POLR2I: variants seen among roughly 807,000 people sequenced by gnomAD.
The protein encoded by POLR2I is RNA polymerase II subunit I.
A neutral mutation model predicts 23.0 loss-of-function variants in POLR2I; 15 were observed. The ratio of observed to expected loss-of-function variants is 0.65; its 90% CI spans 0.44 to 1.00. The LOEUF (loss-of-function observed/expected upper bound fraction) is 1.00, where lower values mean the gene tolerates loss of function less well. Among genes scored for constraint, POLR2I ranks in the 50% least tolerant of loss-of-function variants. POLR2I has a pLI of 0.00. For synonymous variants in POLR2I, 72 were observed against 65.4 expected (o/e 1.10, Z -0.49); for missense variants, 120 against 173.7 (o/e 0.69, Z 1.74).
At position 36,114,199 on chromosome 19, in the gene POLR2I, T is replaced by TC; in HGVS notation, c.240dup (p.Thr81AspfsTer54). ...CACTTTTGGCACGGGTGGTCCTCGG[T>TC]CCGCGGCAACGTGGGGTCCTGGGAC... On this transcript the variant is annotated frameshift_variant, in exon 4 of 6. Coordinates refer to ENST00000221859, the MANE Select transcript of POLR2I (RefSeq NM_006233.5). LOFTEE classifies it high-confidence loss of function. This position sits in a 1 kb window ranked among gnomAD's most constrained non-coding sequence, Gnocchi z 4.5. 6.2e-7 allele frequency: 1 copy of TC among 1,614,042 alleles called. No individual in the cohort carries two copies. The highest frequency in any genetic ancestry group is 8.5e-7 in the Non-Finnish European group (1 of 1,179,986).
chr19:36,114,371 G>A lies in POLR2I; in HGVS notation c.156C>T (p.Cys52=), dbSNP rs932262804. 3 of 1,614,004 alleles carry A rather than the reference G, an allele frequency of 1.9e-6. No individual in the cohort carries two copies. Among genetic ancestry groups the A allele is most frequent in the East Asian group, 4.5e-5 (2 of 44,902 alleles). The change falls in exon 3 of 6, where the codon TGC becomes TGT. Residue 52 remains cysteine, a synonymous_variant. Transcript: ENST00000221859. This position sits in a 1 kb window ranked among gnomAD's most constrained non-coding sequence, Gnocchi z 4.5. ...CGTGCGTGATCTTGTTGACATAGATGCAGCTGTTGTCGGCCTCCTGCTGGT... is the reference window on the plus strand; with the variant it reads ...CGTGCGTGATCTTGTTGACATAGATACAGCTGTTGTCGGCCTCCTGCTGGT... ...CDYQQEADNS[C]IYVNKITHEV...
rs377495271 is a variant in POLR2I, at chr19:36,114,422, G to A, written c.115-10C>T. The A allele has an allele frequency of 2.4e-5, 38 of 1,612,800 alleles. No homozygotes were observed. Among genetic ancestry groups the A allele is most frequent in the Admixed American group, 2.0e-4 (12 of 59,996 alleles). On this transcript the variant is annotated splice_polypyrimidine_tract_variant and intron_variant, in intron 2 of 5. Coordinates refer to ENST00000221859, the MANE Select transcript of POLR2I (RefSeq NM_006233.5). The surrounding 1 kb of genome is among the most constrained non-coding windows in gnomAD (Gnocchi z 4.5). ...AATCACAGTTCCGGCACTACGAGAG[G>A]GCGAGTGTGGGGGAAAGGGGGTCAC...
chr19:36,114,592 A>C lies in POLR2I; in HGVS notation c.114+67T>G, dbSNP rs1973907847. The stretch of plus-strand genomic sequence containing the variant: ...GGGCGAACAGGGAGTCCGATCACAG[A>C]GGCAGGGGGCAGGGCGGGGCCACGC... On this transcript the variant is annotated intron_variant, in intron 2 of 5. Transcript: ENST00000221859. The surrounding 1 kb of genome is among the most constrained non-coding windows in gnomAD (Gnocchi z 4.5). 1 of 1,473,750 alleles carries C rather than the reference A, an allele frequency of 6.8e-7. No individual in the cohort carries two copies. The highest frequency in any genetic ancestry group is 1.4e-5 in the African/African-American group (1 of 72,410). 91.3% of individuals were successfully genotyped at this position (1,473,750 alleles called of 1,614,324 possible).
chr19:36,114,435 G>C lies in POLR2I; in HGVS notation c.115-23C>G, dbSNP rs944757532. The C allele has an allele frequency of 1.4e-5, 22 of 1,609,086 alleles. No individual in the cohort carries two copies. Among genetic ancestry groups the C allele is most frequent in the Non-Finnish European group, 1.9e-5 (22 of 1,175,704 alleles). ...GCACTACGAGAGGGCGAGTGTGGGGGAAAGGGGGTCACGGAAGGATTCCAG... is the reference window on the plus strand; with the variant it reads ...GCACTACGAGAGGGCGAGTGTGGGGCAAAGGGGGTCACGGAAGGATTCCAG... On this transcript the variant is annotated intron_variant, in intron 2 of 5. Coordinates refer to ENST00000221859, the MANE Select transcript of POLR2I (RefSeq NM_006233.5). This position sits in a 1 kb window ranked among gnomAD's most constrained non-coding sequence, Gnocchi z 4.5.
chr19:36,114,869 C>A lies in POLR2I; in HGVS notation c.-13G>T. 1 of 1,612,460 alleles carries A rather than the reference C, an allele frequency of 6.2e-7. No homozygotes were observed. Among genetic ancestry groups the A allele is most frequent in the South Asian group, 1.1e-5 (1 of 91,034 alleles). On this transcript the variant is annotated 5_prime_UTR_variant, in exon 1 of 6. Coordinates refer to ENST00000221859, the MANE Select transcript of POLR2I (RefSeq NM_006233.5). The surrounding 1 kb of genome is among the most constrained non-coding windows in gnomAD (Gnocchi z 4.5). ...CGTCGGGCTCCATGGCGACGCGCAG[C>A]CCGCGCAGCCCTCCCAGCCTTCCGC...
Position 36,114,584 on chromosome 19 carries a change from G to C in POLR2I, c.114+75C>G. The C allele has an allele frequency of 1.4e-6, 2 of 1,445,204 alleles. No individual in the cohort carries two copies. The highest frequency in any genetic ancestry group is 1.9e-6 in the Non-Finnish European group (2 of 1,038,738). The allele number at this position is 1,445,204 out of a possible 1,614,324, so 89.5% of individuals were successfully genotyped here. A position where few individuals can be genotyped will look rare whatever the true frequency, so the allele number is the denominator to read the frequency against. Reference sequence around the variant, plus strand: ...GCAGCGGAGGGCGAACAGGGAGTCCGATCACAGAGGCAGGGGGCAGGGCGG... The same window carrying C: ...GCAGCGGAGGGCGAACAGGGAGTCCCATCACAGAGGCAGGGGGCAGGGCGG... On this transcript the variant is annotated intron_variant, in intron 2 of 5. Transcript: ENST00000221859. The surrounding 1 kb of genome is among the most constrained non-coding windows in gnomAD (Gnocchi z 4.5).
chr19:36,114,483 G>C lies in POLR2I; in HGVS notation c.115-71C>G, dbSNP rs774697780. 14 of 1,454,396 alleles carry C rather than the reference G, an allele frequency of 9.6e-6. No individual in the cohort carries two copies. The highest frequency in any genetic ancestry group is 1.3e-5 in the Non-Finnish European group (14 of 1,037,640). The allele number at this position is 1,454,396 out of a possible 1,614,324, so 90.1% of individuals were successfully genotyped here. On this transcript the variant is annotated intron_variant, in intron 2 of 5. Transcript: ENST00000221859. The surrounding 1 kb of genome is among the most constrained non-coding windows in gnomAD (Gnocchi z 4.5). ...CAGACAAGATTGGGAGGAGAGGGCA[G>C]GGTGATCCCGGAGGATATGACGACA... is the stretch of plus-strand genomic sequence containing the variant.
Position 36,114,473 on chromosome 19 carries a change from G to A in POLR2I, c.115-61C>T, listed in dbSNP as rs2145903519. On this transcript the variant is annotated intron_variant, in intron 2 of 5. Transcript: ENST00000221859. The surrounding 1 kb of genome is among the most constrained non-coding windows in gnomAD (Gnocchi z 4.5). ...GGAAGGATTCCAGACAAGATTGGGAGGAGAGGGCAGGGTGATCCCGGAGGA... is the reference window on the plus strand; with the variant it reads ...GGAAGGATTCCAGACAAGATTGGGAAGAGAGGGCAGGGTGATCCCGGAGGA... The A allele has an allele frequency of 4.0e-6, 6 of 1,502,960 alleles. No homozygotes were observed. Among genetic ancestry groups the A allele is most frequent in the South Asian group, 3.4e-5 (3 of 88,744 alleles). The allele number at this position is 1,502,960 out of a possible 1,614,324, so 93.1% of individuals were successfully genotyped here.
intron 5 of POLR2I, 79 bp from the exon 6 acceptor site, chr19:36,113,896 A>G (rs1973890420): frequency 1.3e-6 from 2 of 1,584,112 alleles, no homozygotes; most frequent in African/African-American, 2.7e-5. Context: ...AGAGAACTTC[A>G]CCAATAGGTA....
Position 36,113,721 on chromosome 19 carries a change from T to C in POLR2I, c.*34A>G. The C allele has an allele frequency of 6.2e-7, 1 of 1,607,944 alleles. No homozygotes were observed. The highest frequency in any genetic ancestry group is 8.5e-7 in the Non-Finnish European group (1 of 1,177,204). ...AAACACAGAAAACTCACGCATGGAA[T>C]CTGGTGTTTATTACACTCGGGGGAG... On this transcript the variant is annotated 3_prime_UTR_variant, in exon 6 of 6. Coordinates refer to ENST00000221859, the MANE Select transcript of POLR2I (RefSeq NM_006233.5).
chr19:36,114,551 C>T lies in POLR2I; in HGVS notation c.114+108G>A. On this transcript the variant is annotated intron_variant, in intron 2 of 5. Transcript: ENST00000221859. The surrounding 1 kb of genome is among the most constrained non-coding windows in gnomAD (Gnocchi z 4.5). ...GGGCAGGACATGAGAGTCAGGATCA[C>T]TTGAGGTGCAGCGGAGGGCGAACAG... 6 of 1,321,566 alleles carry T rather than the reference C, an allele frequency of 4.5e-6. No homozygotes were observed. Among genetic ancestry groups the T allele is most frequent in the Non-Finnish European group, 5.4e-6 (5 of 925,572 alleles). The allele number at this position is 1,321,566 out of a possible 1,614,324, so 81.9% of individuals were successfully genotyped here. A position where few individuals can be genotyped will look rare whatever the true frequency, so the allele number is the denominator to read the frequency against.
rs1973901113 is a variant in POLR2I at position 36,114,318 on chromosome 19, A to C, written c.188+21T>G. ...CTCCAGAGCCAACACCCCCGCCCCCAGCTCAGGGCCCGCCACTCACTCCAC... is the reference window on the plus strand; with the variant it reads ...CTCCAGAGCCAACACCCCCGCCCCCCGCTCAGGGCCCGCCACTCACTCCAC... On this transcript the variant is annotated intron_variant, in intron 3 of 5. Coordinates refer to ENST00000221859, the MANE Select transcript of POLR2I (RefSeq NM_006233.5). This position sits in a 1 kb window ranked among gnomAD's most constrained non-coding sequence, Gnocchi z 4.5. The C allele has an allele frequency of 1.2e-6, 2 of 1,613,820 alleles. No individual in the cohort carries two copies. Among genetic ancestry groups the C allele is most frequent in the African/African-American group, 2.7e-5 (2 of 75,054 alleles).
Position 36,114,308 on chromosome 19 carries a change from C to T in POLR2I, c.188+31G>A. 1 of 1,613,540 alleles carries T rather than the reference C, an allele frequency of 6.2e-7. No individual in the cohort carries two copies. The highest frequency in any genetic ancestry group is 1.3e-5 in the African/African-American group (1 of 75,022). The stretch of plus-strand genomic sequence containing the variant: ...CAGACCCAGCCTCCAGAGCCAACAC[C>T]CCCGCCCCCAGCTCAGGGCCCGCCA... On this transcript the variant is annotated intron_variant, in intron 3 of 5. Transcript: ENST00000221859. The surrounding 1 kb of genome is among the most constrained non-coding windows in gnomAD (Gnocchi z 4.5).
In POLR2I at chr19:36,114,781, C is replaced by T; in HGVS notation, c.59+17G>A. On this transcript the variant is annotated intron_variant, in intron 1 of 5. Coordinates refer to ENST00000221859, the MANE Select transcript of POLR2I (RefSeq NM_006233.5). The surrounding 1 kb of genome is among the most constrained non-coding windows in gnomAD (Gnocchi z 4.5). The stretch of plus-strand genomic sequence containing the variant: ...TCCTCGCCCGCCTTCTAACATCACC[C>T]GCTCCCTCCGCCTCACCATTCCTGG... The T allele has an allele frequency of 6.2e-7, 1 of 1,614,124 alleles. No homozygotes were observed. The highest frequency in any genetic ancestry group is 8.5e-7 in the Non-Finnish European group (1 of 1,179,978).
chr19:36,114,402 C>G lies in POLR2I; in HGVS notation c.125G>C (p.Cys42Ser). ...NRILLYACRNCDYQQEADNSC... is the reference protein window; with the variant it reads ...NRILLYACRNSDYQQEADNSC... ...GTTGTCGGCCTCCTGCTGGTAATCACAGTTCCGGCACTACGAGAGGGCGAG... is the reference window on the plus strand; with the variant it reads ...GTTGTCGGCCTCCTGCTGGTAATCAGAGTTCCGGCACTACGAGAGGGCGAG... The change falls in exon 3 of 6, where the codon TGT becomes TCT. Residue 42 changes from cysteine (C) to serine (S), a missense_variant. By Grantham distance (112) the Cys-to-Ser change is moderately radical. Transcript: ENST00000221859. This position sits in a 1 kb window ranked among gnomAD's most constrained non-coding sequence, Gnocchi z 4.5. The G allele has an allele frequency of 1.2e-6, 2 of 1,613,972 alleles. No individual in the cohort carries two copies. Among genetic ancestry groups the G allele is most frequent in the Non-Finnish European group, 1.7e-6 (2 of 1,179,938 alleles).
At position 36,114,478 on chromosome 19, in the gene POLR2I, G is replaced by A. The variant is rs1973905006; in HGVS notation, c.115-66C>T. On this transcript the variant is annotated intron_variant, in intron 2 of 5. Transcript: ENST00000221859. This position sits in a 1 kb window ranked among gnomAD's most constrained non-coding sequence, Gnocchi z 4.5. Reference sequence around the variant, plus strand: ...GATTCCAGACAAGATTGGGAGGAGAGGGCAGGGTGATCCCGGAGGATATGA... The same window carrying A: ...GATTCCAGACAAGATTGGGAGGAGAAGGCAGGGTGATCCCGGAGGATATGA... 1 of 1,483,256 alleles carries A rather than the reference G, an allele frequency of 6.7e-7. No homozygotes were observed. The highest frequency in any genetic ancestry group is 9.4e-7 in the Non-Finnish European group (1 of 1,062,964). 91.9% of individuals were successfully genotyped at this position (1,483,256 alleles called of 1,614,324 possible).
rs1973898896 is a variant in POLR2I at position 36,114,202 on chromosome 19, G to A, written c.238C>T (p.Arg80Trp). ...ADVSQDPTLP[R>W]TEDHPCQKCG... ...TTTTGGCACGGGTGGTCCTCGGTCC[G>A]CGGCAACGTGGGGTCCTGGGACACG... is the stretch of plus-strand genomic sequence containing the variant. Residue 80 changes from arginine to tryptophan, a missense_variant, in exon 4 of 6, where the codon CGG (arginine) becomes TGG (tryptophan). Coordinates refer to ENST00000221859, the MANE Select transcript of POLR2I (RefSeq NM_006233.5). The surrounding 1 kb of genome is among the most constrained non-coding windows in gnomAD (Gnocchi z 4.5). 1 of 1,613,954 alleles carries A rather than the reference G, an allele frequency of 6.2e-7. No homozygotes were observed. The highest frequency in any genetic ancestry group is 8.5e-7 in the Non-Finnish European group (1 of 1,180,018).
Position 36,114,432 on chromosome 19 carries a change from G to A in POLR2I, c.115-20C>T, listed in dbSNP as rs763096351. On this transcript the variant is annotated intron_variant, in intron 2 of 5. Coordinates refer to ENST00000221859, the MANE Select transcript of POLR2I (RefSeq NM_006233.5). This position sits in a 1 kb window ranked among gnomAD's most constrained non-coding sequence, Gnocchi z 4.5. ...CCGGCACTACGAGAGGGCGAGTGTG[G>A]GGGAAAGGGGGTCACGGAAGGATTC... 1 of 1,609,654 alleles carries A rather than the reference G, an allele frequency of 6.2e-7. No homozygotes were observed. The highest frequency in any genetic ancestry group is 1.1e-5 in the South Asian group (1 of 90,990).
rs1429088153 is a variant in POLR2I at position 36,114,865 on chromosome 19, GCAGC to G, written c.-13_-10del. On this transcript the variant is annotated 5_prime_UTR_variant, in exon 1 of 6. Coordinates refer to ENST00000221859, the MANE Select transcript of POLR2I (RefSeq NM_006233.5). The surrounding 1 kb of genome is among the most constrained non-coding windows in gnomAD (Gnocchi z 4.5). ...GTCCCGTCGGGCTCCATGGCGACGC[GCAGC>G]CCGCGCAGCCCTCCCAGCCTTCCGC... The G allele has an allele frequency of 6.2e-7, 1 of 1,612,278 alleles. No homozygotes were observed. Among genetic ancestry groups the G allele is most frequent in the Non-Finnish European group, 8.5e-7 (1 of 1,179,588 alleles).
Sources: gnomAD v4.1 joint callset for allele counts on GRCh38, gnomAD v4.1.1 for gene constraint, Gnocchi (gnomAD v3.1) non-coding constraint, MANE v1.5 for transcripts, NCBI Gene and HGNC (gene_info 2026-07-23, HGNC 2026-07-21) for gene names.